The following CAB39L variants were observed in gnomAD, a reference collection of about 807,000 sequenced individuals.
CAB39L encodes calcium binding protein 39 like.
A neutral mutation model predicts 39.1 loss-of-function variants in CAB39L; 23 were observed. The ratio of observed to expected loss-of-function variants is 0.59; its 90% CI spans 0.42 to 0.83. The LOEUF (loss-of-function observed/expected upper bound fraction) is 0.83, where lower values mean the gene tolerates loss of function less well. Ranked by LOEUF, CAB39L falls within the 40% of genes least tolerant of loss-of-function variation. The pLI is 0.00. For synonymous variants in CAB39L, 126 were observed against 137.2 expected (o/e 0.92, Z 0.57); for missense variants, 366 against 391.9 (o/e 0.93, Z 0.56).
At chr13:49,365,121 C>G (rs1955738691) in intron 5 of CAB39L, among the ~76,000 whole-genome samples, 2 of 151,182 alleles carry the variant, frequency 1.3e-5, no homozygotes, top group Admixed American at 1.3e-4. Flanking sequence ...TGGAACAGAA[C>G]AAAGAATCCA....
At position 49,310,971 on chromosome 13, in the gene CAB39L, T is replaced by G; in HGVS notation, c.857A>C (p.Lys286Thr). Residue 286 changes from lysine to threonine, a missense_variant, in exon 11 of 11, where the codon AAA becomes ACA. Coordinates refer to ENST00000409308, the MANE Select transcript of CAB39L (RefSeq NM_001079670.3). ...VFKVFVASPH[K>T]TQPIVEILLK... The stretch of plus-strand genomic sequence containing the variant: ...CAGGATCTCCACAATAGGCTGTGTT[T>G]TGTGAGGACTGGCCACAAACACCTG... 6.2e-7 allele frequency: 1 copy of G among 1,613,880 alleles called. No homozygotes were observed. Among genetic ancestry groups the G allele is most frequent in the Non-Finnish European group, 8.5e-7 (1 of 1,179,900 alleles).
chr13:49,312,502 T>C (rs75877103), intron 10 of CAB39L, among the ~76,000 whole-genome samples: 269 of 152,358 alleles, frequency 1.8e-3, no homozygotes, highest in African/African-American at 6.2e-3. Context: ...GGTAACATGC[T>C]GCACAGGTTT....
chr13:49,332,541 C>A (rs915800897), intron 9 of CAB39L, among the ~76,000 whole-genome samples: 1 of 152,076 alleles, frequency 6.6e-6, no homozygotes, highest in East Asian at 1.9e-4. Flanking sequence ...TTTCCCCTGA[C>A]TTTTATTATA....
At chr13:49,348,348 G>C (rs1272900702) in intron 7 of CAB39L, among the ~76,000 whole-genome samples, 1 of 152,120 alleles carries the variant, frequency 6.6e-6, no homozygotes, top group Non-Finnish European at 1.5e-5. Flanking sequence ...CAGGCGGATG[G>C]CTTGAGGTCA....
chr13:49,336,808 G>C (rs866823819), intron 9 of CAB39L, among the ~76,000 whole-genome samples: 5 of 152,086 alleles, frequency 3.3e-5, no homozygotes, highest in Non-Finnish European at 5.9e-5. Flanking sequence ...TGTTCTTTAC[G>C]TATGCAGCTG....
At chr13:49,336,986 A>G (rs779292795) in intron 9 of CAB39L, among the ~76,000 whole-genome samples, 33 of 152,148 alleles carry the variant, frequency 2.2e-4, no homozygotes, top group Non-Finnish European at 2.8e-4. Context: ...AAGTTTCTAC[A>G]CAAAGGGGAA....
chr13:49,373,549 A>G (rs1211424957), intron 5 of CAB39L, among the ~76,000 whole-genome samples: 2 of 152,224 alleles, frequency 1.3e-5, no homozygotes, highest in African/African-American at 4.8e-5. Flanking sequence ...CTGAAATCAT[A>G]TAATCATCAC....
At chr13:49,314,442 G>C (rs1954095253) in intron 10 of CAB39L, among the ~76,000 whole-genome samples, 1 of 152,018 alleles carries the variant, frequency 6.6e-6, no homozygotes, top group Admixed American at 6.6e-5. Context: ...CTGAATTCAA[G>C]GCCTCGTCAC....
At chr13:49,331,231 C>T (rs1444687752) in intron 10 of CAB39L, among the ~76,000 whole-genome samples, 3 of 151,928 alleles carry the variant, frequency 2.0e-5, no homozygotes, top group Admixed American at 1.3e-4. Context: ...TTTGGGAGGC[C>T]GAGGAGGGCG....
intron 3 of CAB39L, among the ~76,000 whole-genome samples, chr13:49,417,535 A>C (rs563713783): frequency 6.6e-6 from 1 of 152,318 alleles, no homozygotes; most frequent in African/African-American, 2.4e-5. Flanking sequence ...TAAACAATAG[A>C]ATAATATGTT....
rs202033597 is a variant in CAB39L, at chr13:49,312,581, G to A, written c.835-1588C>T. Among the ~76,000 whole-genome samples the A allele has an allele frequency of 2.0e-4, 30 of 152,294 alleles. No individual in the cohort carries two copies. In the East Asian group the frequency reaches 5.2e-3, roughly 26 times the overall value. On this transcript the variant is annotated intron_variant, in intron 10 of 10. Transcript: ENST00000409308. ...GGCAGGCTCCACCACCTAGGTCTGC[G>A]TAAATGCACTCTGTGATGTTCCCAC...
At chr13:49,409,978 C>T (rs1462790130) in intron 3 of CAB39L, among the ~76,000 whole-genome samples, 2 of 151,832 alleles carry the variant, frequency 1.3e-5, no homozygotes, top group Admixed American at 1.3e-4. Flanking sequence ...CTCATGTACA[C>T]CAAATCCTAA....
intron 4 of CAB39L, among the ~76,000 whole-genome samples, chr13:49,377,815 C>CAT (rs1956121381): frequency 9.4e-5 from 9 of 95,370 alleles, no homozygotes; most frequent in South Asian, 3.3e-4. Context: ...GGCCGCCACC[C>CAT]CGTCTGGGAT....
At chr13:49,410,528 C>T (rs965352260) in intron 3 of CAB39L, among the ~76,000 whole-genome samples, 1 of 152,120 alleles carries the variant, frequency 6.6e-6, no homozygotes, top group African/African-American at 2.4e-5. Context: ...TAAGCTGGTG[C>T]TCTGAAGCCA....
intron 3 of CAB39L, among the ~76,000 whole-genome samples, chr13:49,432,712 A>G (rs545449531): frequency 1.3e-5 from 2 of 152,176 alleles, no homozygotes; most frequent in African/African-American, 4.8e-5. Context: ...GGTCCAATTT[A>G]AATTAAAATC....
At position 49,349,087 on chromosome 13, in the gene CAB39L, C is replaced by A. The variant is rs529999962; in HGVS notation, c.564+1657G>T. Among the ~76,000 whole-genome samples, 4 of 152,314 alleles carry A rather than the reference C, an allele frequency of 2.6e-5. No homozygotes were observed. The East Asian group carries it at 7.7e-4, about 29-fold the overall frequency. ...CACCTTCTCAGAACAGGCTGGGTAACTTCCTAGTCTGCAGATAATAGGTAG... is the reference window on the plus strand; with the variant it reads ...CACCTTCTCAGAACAGGCTGGGTAAATTCCTAGTCTGCAGATAATAGGTAG... On this transcript the variant is annotated intron_variant, in intron 7 of 10. Transcript: ENST00000409308.
intron 10 of CAB39L, among the ~76,000 whole-genome samples, chr13:49,329,552 T>A (rs1350459409): frequency 0.23 from 1,293 of 5,724 alleles, 129 homozygotes; most frequent in East Asian, 0.53. Context: ...AAAATATATA[T>A]ATATATATAT....
intron 10 of CAB39L, among the ~76,000 whole-genome samples, chr13:49,326,527 G>T (rs1467382072): frequency 5.9e-5 from 9 of 152,152 alleles, no homozygotes; most frequent in Admixed American, 2.0e-4. Context: ...TCAGGACTGG[G>T]TTCCACATTC....
intron 5 of CAB39L, among the ~76,000 whole-genome samples, chr13:49,368,855 T>C (rs1418608545): frequency 6.6e-6 from 1 of 151,984 alleles, no homozygotes; most frequent in Non-Finnish European, 1.5e-5. Flanking sequence ...GAATGATTGC[T>C]GAAAAAGAGC....
Sources: allele counts gnomAD v4.1 joint callset (sites outside exome capture counted in the v4.1 genomes callset), GRCh38; gene constraint gnomAD v4.1.1; transcripts MANE v1.5; gene names NCBI Gene and HGNC (gene_info 2026-07-23, HGNC 2026-07-21).